The following ENOX1 variants were observed in gnomAD, a reference collection of about 807,000 sequenced individuals.
ENOX1 encodes the protein ecto-NOX disulfide-thiol exchanger 1.
Under a neutral mutation model 82.5 loss-of-function variants are expected in ENOX1, and 42 were observed. That is an observed-to-expected ratio of 0.51 (90% CI 0.40 to 0.66). The LOEUF (loss-of-function observed/expected upper bound fraction) is 0.66, where lower values mean the gene tolerates loss of function less well. ENOX1 is among the 30% of genes least tolerant of loss of function. ENOX1 has a pLI of 0.00. For missense variants in ENOX1, 608 were observed against 811.6 expected (o/e 0.75, Z 3.05); for synonymous variants, 271 against 282.2 (o/e 0.96, Z 0.40).
chr13:43,739,704 G>A (rs2153826086), intron 1 of ENOX1, among the ~76,000 whole-genome samples: 1 of 152,100 alleles, frequency 6.6e-6, no homozygotes, highest in African/African-American at 2.4e-5. Context: ...AAATAAGATG[G>A]TTAAATAAAG....
intron 2 of ENOX1, among the ~76,000 whole-genome samples, chr13:43,502,392 G>A (rs1254962529): frequency 2.0e-5 from 3 of 151,530 alleles, no homozygotes; most frequent in Non-Finnish European, 4.4e-5. Context: ...TACAAACCAA[G>A]ACAAAGATTC....
chr13:43,737,879 G>A (rs2089709167), intron 1 of ENOX1, among the ~76,000 whole-genome samples: 2 of 152,122 alleles, frequency 1.3e-5, no homozygotes, highest in South Asian at 4.1e-4. Context: ...TACTAATGTG[G>A]TGTCTAATTC....
intron 3 of ENOX1, among the ~76,000 whole-genome samples, chr13:43,422,776 C>T (rs1334710127): frequency 1.3e-5 from 2 of 152,160 alleles, no homozygotes; most frequent in Admixed American, 6.5e-5. Context: ...AGAAAAATAT[C>T]ACTCGGCATT....
intron 5 of ENOX1, among the ~76,000 whole-genome samples, chr13:43,379,349 A>G (rs1308581811): frequency 1.3e-5 from 2 of 152,156 alleles, no homozygotes; most frequent in African/African-American, 4.8e-5. Flanking sequence ...AAACAGTAGA[A>G]CAAAAAAATA....
chr13:43,247,883 A>ATATATATT (rs1566330073), intron 14 of ENOX1, among the ~76,000 whole-genome samples: 1 of 14,648 alleles, frequency 6.8e-5, no homozygotes. Context: ...ATATATATAT[A>ATATATATT]TTTTTTTTTT....
intron 5 of ENOX1, among the ~76,000 whole-genome samples, chr13:43,401,228 T>C (rs1051127820): frequency 2.6e-5 from 4 of 152,174 alleles, no homozygotes; most frequent in Non-Finnish European, 4.4e-5. Flanking sequence ...TAAAAAGACT[T>C]TGTCTGTAAA....
At chr13:43,558,678 T>C (rs777074523) in intron 2 of ENOX1, among the ~76,000 whole-genome samples, 2 of 152,190 alleles carry the variant, frequency 1.3e-5, no homozygotes, top group African/African-American at 4.8e-5. Context: ...TGTTTTCTTC[T>C]TTTTTTCACT....
intron 2 of ENOX1, among the ~76,000 whole-genome samples, chr13:43,610,899 G>C (rs2082173023): frequency 6.6e-6 from 1 of 152,114 alleles, no homozygotes; most frequent in African/African-American, 2.4e-5. Flanking sequence ...CTCAGTGTAA[G>C]AATTTCAACT....
intron 14 of ENOX1, among the ~76,000 whole-genome samples, chr13:43,247,335 TAAA>T (rs998133157): frequency 4.6e-5 from 7 of 151,894 alleles, no homozygotes; most frequent in African/African-American, 1.5e-4. Flanking sequence ...AATACATAAA[TAAA>T]AAAGTATTGT....
At chr13:43,470,892 A>C (rs1319158538) in intron 3 of ENOX1, among the ~76,000 whole-genome samples, 1 of 152,178 alleles carries the variant, frequency 6.6e-6, no homozygotes. Context: ...GAGGATGTAG[A>C]ACACTAAAAC....
At chr13:43,645,785 A>G (rs773886601) in intron 2 of ENOX1, among the ~76,000 whole-genome samples, 2 of 152,200 alleles carry the variant, frequency 1.3e-5, no homozygotes, top group Admixed American at 6.5e-5. Context: ...AAAATTTTAC[A>G]TATTTAAAAA....
chr13:43,521,559 C>T (rs958300695), intron 2 of ENOX1, among the ~76,000 whole-genome samples: 2 of 152,236 alleles, frequency 1.3e-5, no homozygotes, highest in Non-Finnish European at 2.9e-5. Context: ...TCCTTTGATG[C>T]CAAAGTAATT....
intron 9 of ENOX1, among the ~76,000 whole-genome samples, chr13:43,335,766 A>AT (rs2048666911): frequency 7.3e-6 from 1 of 137,348 alleles, no homozygotes; most frequent in Non-Finnish European, 1.6e-5. Context: ...AAGGAAGGAT[A>AT]CCAAAAAAAA....
intron 11 of ENOX1, among the ~76,000 whole-genome samples, chr13:43,301,574 T>TCC (rs11423671): frequency 6.9e-6 from 1 of 145,428 alleles, no homozygotes; most frequent in Non-Finnish European, 1.5e-5. Flanking sequence ...CAGCTGTAAT[T>TCC]CCCCCACCAA....
chr13:43,748,637 C>G (rs1293892920), intron 1 of ENOX1, among the ~76,000 whole-genome samples: 1 of 152,070 alleles, frequency 6.6e-6, no homozygotes, highest in Admixed American at 6.6e-5. Context: ...TTCTCATCTA[C>G]AAAATGTTGA....
intron 1 of ENOX1, among the ~76,000 whole-genome samples, chr13:43,675,292 A>G (rs931087909): frequency 3.9e-5 from 6 of 152,152 alleles, no homozygotes; most frequent in African/African-American, 1.4e-4. Context: ...GGGATAAAGA[A>G]GAAAGAGGAA....
At chr13:43,668,720 A>G (rs1439766213) in intron 1 of ENOX1, among the ~76,000 whole-genome samples, 1 of 152,152 alleles carries the variant, frequency 6.6e-6, no homozygotes, top group African/African-American at 2.4e-5. Flanking sequence ...TCAGCACAAG[A>G]AGCCAGGGGC....
chr13:43,562,846 A>T (rs1214485480), intron 2 of ENOX1, among the ~76,000 whole-genome samples: 1 of 152,158 alleles, frequency 6.6e-6, no homozygotes, highest in Admixed American at 6.5e-5. Context: ...AAGAGGATAT[A>T]ACAATTTTAA....
chr13:43,520,330 T>G (rs1004601300), intron 2 of ENOX1, among the ~76,000 whole-genome samples: 1 of 152,166 alleles, frequency 6.6e-6, no homozygotes. Flanking sequence ...TTCATTATCC[T>G]TGGTAAGTAC....
Sources: gnomAD v4.1 joint callset for allele counts (sites outside exome capture counted in the v4.1 genomes callset) on GRCh38, gnomAD v4.1.1 for gene constraint, MANE v1.5 for transcripts, NCBI Gene and HGNC (gene_info 2026-07-23, HGNC 2026-07-21) for gene names.